The following LTBP1 variants were observed in gnomAD, a reference collection of about 807,000 sequenced individuals.
The protein encoded by LTBP1 is latent transforming growth factor beta binding protein 1.
LTBP1 carries 129 observed loss-of-function variants against 207.6 expected under a neutral mutation model. That is an observed-to-expected ratio of 0.62 (90% confidence interval 0.54 to 0.72). The LOEUF (loss-of-function observed/expected upper bound fraction) is 0.72. LTBP1 is among the 30% of genes least tolerant of loss of function. The pLI, the probability that LTBP1 is intolerant of heterozygous loss-of-function variation, is 0.00. For missense variants in LTBP1, 2,281 were observed against 2,217.2 expected (o/e 1.03, Z -0.58); for synonymous variants, 963 against 833.7 (o/e 1.16, Z -2.67).
At chr2:33,256,893 G>T (rs1288242312) in intron 11 of LTBP1, among the ~76,000 whole-genome samples, 3 of 149,608 alleles carry the variant, frequency 2.0e-5, no homozygotes, top group Non-Finnish European at 3.0e-5. Context: ...TTTTATGTAA[G>T]GGTCTTGAGC....
At chr2:33,361,618 A>G (rs2094928218) in intron 28 of LTBP1, 103 bp downstream of exon 28, 2 of 736,760 alleles carry the variant, frequency 2.7e-6, no homozygotes, top group South Asian at 4.2e-5. Flanking sequence ...CTTTTTAGTC[A>G]TGAAAACTGA....
chr2:33,086,802 TC>T (rs1477588965), intron 3 of LTBP1, among the ~76,000 whole-genome samples: 2 of 152,140 alleles, frequency 1.3e-5, no homozygotes, highest in Non-Finnish European at 2.9e-5. Flanking sequence ...GATTTTCACT[TC>T]CTTGTCTCGT....
At position 33,118,685 on chromosome 2, in the gene LTBP1, C is replaced by T. The variant is rs193272126; in HGVS notation, c.1033+7934C>T. Among the ~76,000 whole-genome samples the T allele has an allele frequency of 3.3e-5, 5 of 152,268 alleles. No homozygotes were observed. The East Asian group carries it at 9.7e-4, about 29-fold the overall frequency. On this transcript the variant is annotated intron_variant, in intron 4 of 33. Transcript: ENST00000404816. ...GAACAGGGTTCTGCTGAGCTGGTAT[C>T]CTTGGGAATCCAGATTTCATTCAAG... is the stretch of plus-strand genomic sequence containing the variant.
intron 5 of LTBP1, among the ~76,000 whole-genome samples, chr2:33,173,706 AG>A (rs2085714800): frequency 6.6e-6 from 1 of 150,628 alleles, no homozygotes; most frequent in African/African-American, 2.4e-5. Context: ...CAACCAAAAA[AG>A]AGAATTTTAG....
intron 18 of LTBP1, among the ~76,000 whole-genome samples, chr2:33,277,450 T>A (rs977310626): frequency 1.7e-4 from 26 of 152,150 alleles, no homozygotes; most frequent in African/African-American, 5.6e-4. Context: ...GCCACTGACT[T>A]TGCCCCTTTG....
At chr2:32,964,769 A>G (rs1002492127) in intron 2 of LTBP1, among the ~76,000 whole-genome samples, 2 of 152,200 alleles carry the variant, frequency 1.3e-5, no homozygotes, top group African/African-American at 2.4e-5. Flanking sequence ...AATGTCAAAA[A>G]TATTTTTCAA....
intron 3 of LTBP1, chr2:33,063,241 G>T (rs2077352691): frequency 6.6e-6 from 1 of 151,568 alleles, no homozygotes; most frequent in African/African-American, 2.4e-5. Flanking sequence ...TAAGTCTGAT[G>T]TGATTACAAT....
At chr2:33,182,319 A>G (rs1258644691) in intron 5 of LTBP1, among the ~76,000 whole-genome samples, 1 of 152,100 alleles carries the variant, frequency 6.6e-6, no homozygotes, top group African/African-American at 2.4e-5. Context: ...TACTGCTGAT[A>G]TTGGGAATAC....
At chr2:33,397,506 C>CT (rs35219261) in intron 33 of LTBP1, among the ~76,000 whole-genome samples, 1,584 of 112,074 alleles carry the variant, frequency 0.014, 77 homozygotes, top group Middle Eastern at 0.026. Flanking sequence ...TACCACAATT[C>CT]TTTTTTTTTT....
At chr2:33,089,317 AT>A (rs1056887145) in intron 3 of LTBP1, among the ~76,000 whole-genome samples, 4 of 152,188 alleles carry the variant, frequency 2.6e-5, no homozygotes, top group African/African-American at 7.2e-5. Context: ...TAGAACATTT[AT>A]TTTCCGTTCT....
At chr2:33,157,602 C>T (rs1228535738) in intron 5 of LTBP1, among the ~76,000 whole-genome samples, 1 of 152,194 alleles carries the variant, frequency 6.6e-6, no homozygotes, top group Non-Finnish European at 1.5e-5. Context: ...ACTCCCATTG[C>T]ATTTCCAAGT....
chr2:33,326,072 C>T (rs138767752), intron 24 of LTBP1, among the ~76,000 whole-genome samples: 1 of 131,166 alleles, frequency 7.6e-6, no homozygotes, highest in African/African-American at 2.6e-5. Flanking sequence ...ATAGTTTTTG[C>T]TTTTGTTAAA....
At chr2:33,084,161 A>G (rs900822097) in intron 3 of LTBP1, among the ~76,000 whole-genome samples, 2 of 152,046 alleles carry the variant, frequency 1.3e-5, no homozygotes, top group African/African-American at 4.8e-5. Context: ...TTTGTGGGAT[A>G]AAAAAAACAC....
intron 24 of LTBP1, chr2:33,317,822 G>A (rs2094294448): frequency 2.0e-5 from 3 of 152,206 alleles, no homozygotes; most frequent in African/African-American, 4.8e-5. Flanking sequence ...GTGACTTGGA[G>A]AAGTGTCAGC....
chr2:32,969,780 A>G lies in LTBP1; in HGVS notation c.565+20835A>G, dbSNP rs61556262. 3.8e-3 allele frequency among the ~76,000 whole-genome samples: 578 copies of G among 152,338 alleles called. 3 individuals carry two copies. The highest frequency in any genetic ancestry group is 0.013 in the African/African-American group (558 of 41,578). ...TGTTAGAATGATATATATTCTGGGT[A>G]TATACCCAATAATGGGATTGCTGGG... On this transcript the variant is annotated intron_variant, in intron 2 of 33. Transcript: ENST00000404816.
At chr2:32,954,802 C>T (rs919492204) in intron 2 of LTBP1, among the ~76,000 whole-genome samples, 12 of 151,988 alleles carry the variant, frequency 7.9e-5, no homozygotes, top group Admixed American at 1.3e-4. Flanking sequence ...GATGGGTGGG[C>T]GGGGCTTTGA....
At chr2:33,326,126 T>C (rs1573849846) in intron 24 of LTBP1, among the ~76,000 whole-genome samples, 1 of 152,212 alleles carries the variant, frequency 6.6e-6, no homozygotes, top group African/African-American at 2.4e-5. Flanking sequence ...ATACTACTTT[T>C]CAGTCTAATT....
intron 7 of LTBP1, among the ~76,000 whole-genome samples, chr2:33,198,085 C>T (rs566142606): frequency 6.6e-6 from 1 of 152,258 alleles, no homozygotes; most frequent in Non-Finnish European, 1.5e-5. Flanking sequence ...TTATAGTTTG[C>T]AACTATAAAA....
chr2:33,397,426 T>G (rs1172653074), intron 33 of LTBP1, 144 bp downstream of exon 33: 5 of 743,964 alleles, frequency 6.7e-6, no homozygotes, highest in Non-Finnish European at 1.1e-5. Context: ...AAGTACAGTA[T>G]GAATATACTT....
Sources: allele counts gnomAD v4.1 joint callset (sites outside exome capture counted in the v4.1 genomes callset), GRCh38; gene constraint gnomAD v4.1.1; transcripts MANE v1.5; gene names NCBI Gene and HGNC (gene_info 2026-07-23, HGNC 2026-07-21).